Variants in DEFB121 observed in about 807,000 individuals in gnomAD.
The protein encoded by DEFB121 is defensin beta 121.
DEFB121 carries 5 observed loss-of-function variants against 2.5 expected under a neutral mutation model. That is an observed-to-expected ratio of 1.96 (90% CI 1.03 to 4.13). The LOEUF is 4.13. Among genes scored for constraint, DEFB121 ranks in the 30% most tolerant of loss-of-function variants. The probability of loss-of-function intolerance (pLI) is 0.00; values close to 1 mark genes in which losing one functional copy is unlikely to be tolerated. For missense variants in DEFB121, 87 were observed against 85.0 expected, an observed-to-expected ratio of 1.02 and a Z score of -0.09; for synonymous variants, 39 against 32.6, an observed-to-expected ratio of 1.20 and a Z score of -0.67.
chr20:31,411,186 C>T (rs1442445876), upstream of DEFB121, among the ~76,000 whole-genome samples: 1 of 152,152 alleles, frequency 6.6e-6, no homozygotes, highest in Non-Finnish European at 1.5e-5. Flanking sequence ...AACAAAATGC[C>T]TTGATTGCTT....
At chr20:31,416,876 A>G (rs537484864), upstream of DEFB121, among the ~76,000 whole-genome samples, 8 of 152,190 alleles carry the variant, frequency 5.3e-5, no homozygotes, top group African/African-American at 1.7e-4. Context: ...TCCTCTCCCT[A>G]TAAAGTAGAA....
chr20:31,408,981 G>C (rs543878887), upstream of DEFB121, among the ~76,000 whole-genome samples: 25 of 151,682 alleles, frequency 1.6e-4, no homozygotes, highest in Middle Eastern at 3.4e-3. Flanking sequence ...AGCCGAGATG[G>C]TGCCATTGCA....
upstream of DEFB121, among the ~76,000 whole-genome samples, chr20:31,409,740 A>G (rs1978605265): frequency 1.3e-5 from 2 of 152,154 alleles, no homozygotes; most frequent in Admixed American, 6.6e-5. Flanking sequence ...AGAGCGAAAC[A>G]CTGTCTCAAA....
upstream of DEFB121, among the ~76,000 whole-genome samples, chr20:31,407,145 G>A (rs187218757): frequency 2.2e-4 from 33 of 152,308 alleles, no homozygotes; most frequent in Middle Eastern, 3.4e-3. Flanking sequence ...AGCTATTCAG[G>A]AGGCTGAAGC....
upstream of DEFB121, among the ~76,000 whole-genome samples, chr20:31,408,339 C>A (rs922852603): frequency 1.3e-5 from 2 of 152,104 alleles, no homozygotes; most frequent in Admixed American, 6.5e-5. Flanking sequence ...GTAGTCCTAC[C>A]TACTAGGGAG....
upstream of DEFB121, among the ~76,000 whole-genome samples, chr20:31,406,421 C>A (rs899662631): frequency 2.6e-5 from 4 of 152,080 alleles, no homozygotes; most frequent in African/African-American, 9.7e-5. Flanking sequence ...TATAATACAG[C>A]TGGAGAACCA....
chr20:31,409,946 G>A (rs1194421587), upstream of DEFB121, among the ~76,000 whole-genome samples: 1 of 151,920 alleles, frequency 6.6e-6, no homozygotes, highest in Admixed American at 6.6e-5. Flanking sequence ...GACTGAGATG[G>A]GGCATGAGGG....
At chr20:31,409,665 C>T (rs1313456563), upstream of DEFB121, among the ~76,000 whole-genome samples, 1 of 152,052 alleles carries the variant, frequency 6.6e-6, no homozygotes, top group Non-Finnish European at 1.5e-5. Context: ...TGCTTGAACC[C>T]GGGAGGCGGA....
At chr20:31,406,662 C>T (rs1978492165), upstream of DEFB121, among the ~76,000 whole-genome samples, 1 of 152,160 alleles carries the variant, frequency 6.6e-6, no homozygotes, top group Non-Finnish European at 1.5e-5. Flanking sequence ...CACTGGAAAC[C>T]AGAATGTCAG....
At chr20:31,407,132 C>A (rs1001122037), upstream of DEFB121, among the ~76,000 whole-genome samples, 9 of 152,276 alleles carry the variant, frequency 5.9e-5, no homozygotes, top group Middle Eastern at 3.4e-3. Flanking sequence ...CCACTGTAGT[C>A]CCAGCTATTC....
chr20:31,417,324 A>G (rs1321969853), upstream of DEFB121, among the ~76,000 whole-genome samples: 4 of 152,080 alleles, frequency 2.6e-5, no homozygotes, highest in African/African-American at 9.7e-5. Flanking sequence ...CAGCCTGGAC[A>G]ACACAGCCAG....
upstream of DEFB121, among the ~76,000 whole-genome samples, chr20:31,409,006 A>G (rs1978577745): frequency 6.6e-6 from 1 of 151,906 alleles, no homozygotes; most frequent in South Asian, 2.1e-4. Context: ...AGCCTGAACA[A>G]CAGGAGTGAA....
upstream of DEFB121, among the ~76,000 whole-genome samples, chr20:31,411,146 C>G (rs1978651622): frequency 6.6e-6 from 1 of 152,156 alleles, no homozygotes; most frequent in Non-Finnish European, 1.5e-5. Flanking sequence ...CATAAAAGAC[C>G]CTTTTCCTAT....
chr20:31,406,029 C>T (rs1003275810), intron 1 of DEFB121, 66 bp downstream of exon 1: 14 of 1,564,494 alleles, frequency 8.9e-6, no homozygotes, highest in Non-Finnish European at 1.2e-5. Context: ...CTGTCAGAGT[C>T]CCCAGAGTTC....
chr20:31,410,158 A>G (rs1978617982), upstream of DEFB121, among the ~76,000 whole-genome samples: 1 of 152,226 alleles, frequency 6.6e-6, no homozygotes, highest in Admixed American at 6.5e-5. Flanking sequence ...GTACACATAT[A>G]CCATGGAATA....
Position 31,404,850 on chromosome 20 carries a change from A to G in DEFB121, c.*63T>C. 6.3e-7 allele frequency: 1 copy of G among 1,578,464 alleles called. No homozygotes were observed. The highest frequency in any genetic ancestry group is 8.6e-7 in the Non-Finnish European group (1 of 1,160,820). ...TATCAGACAGAAACAGGGTGTTGCC[A>G]AGAATGATTTAATAGAACTGCAGGA... On this transcript the variant is annotated 3_prime_UTR_variant, in exon 2 of 2. Transcript: ENST00000376314.
chr20:31,418,259 CAAAAAAAAAA>C, the DEFB121 span, among the ~76,000 whole-genome samples: 42 of 82,922 alleles, frequency 5.1e-4, no homozygotes, highest in South Asian at 4.9e-3. Context: ...GACTCCGTCT[CAAAAAAAAAA>C]AAAAAAAAAA....
chr20:31,416,702 A>G (rs766684664), upstream of DEFB121, among the ~76,000 whole-genome samples: 10 of 152,354 alleles, frequency 6.6e-5, no homozygotes, highest in Non-Finnish European at 1.0e-4. Context: ...GATTATATCA[A>G]TTAAGCCAGA....
upstream of DEFB121, among the ~76,000 whole-genome samples, chr20:31,406,932 T>G (rs1287570357): frequency 6.6e-6 from 1 of 152,144 alleles, no homozygotes; most frequent in South Asian, 2.1e-4. Flanking sequence ...CCCAAAGTGC[T>G]AGGATTAAAG....
Sources: allele counts gnomAD v4.1 joint callset (sites outside exome capture counted in the v4.1 genomes callset), GRCh38; gene constraint gnomAD v4.1.1; transcripts MANE v1.5; gene names NCBI Gene and HGNC (gene_info 2026-07-23, HGNC 2026-07-21).